Variants in NOLC1 observed in about 807,000 individuals in gnomAD.
NOLC1 encodes the protein nucleolar and coiled-body phosphoprotein 1.
NOLC1 carries 37 observed loss-of-function variants against 73.4 expected under a neutral mutation model. The ratio of observed to expected loss-of-function variants is 0.50; its 90% CI spans 0.39 to 0.66. The LOEUF is 0.66. NOLC1 is among the 30% of genes least tolerant of loss of function. NOLC1 has a pLI of 0.00. For synonymous variants in NOLC1, 327 were observed against 302.6 expected, an observed-to-expected ratio of 1.08 and a Z score of -0.84; for missense variants, 921 against 838.9, an observed-to-expected ratio of 1.10 and a Z score of -1.21.
At chr10:102,153,284 G>A (rs2069536658) in intron 1 of NOLC1, among the ~76,000 whole-genome samples, 1 of 152,198 alleles carries the variant, frequency 6.6e-6, no homozygotes, top group Non-Finnish European at 1.5e-5. Flanking sequence ...CTGGTACAGA[G>A]GAATCTTGTA....
In NOLC1 at chr10:102,163,000, G is replaced by A. The variant is rs926459280; in HGVS notation, c.*731G>A. 4 of 152,266 alleles carry A rather than the reference G, an allele frequency of 2.6e-5. No individual in the cohort carries two copies. The highest frequency in any genetic ancestry group is 3.9e-4 in the East Asian group (2 of 5,186). 9.4% of individuals were successfully genotyped at this position (152,266 alleles called of 1,614,324 possible). ...TATCATTACACGATGTTTGCAATAC[G>A]TGCTTTGTTTTTTAATTTGAAAGCA... On this transcript the variant is annotated 3_prime_UTR_variant, in exon 13 of 13. Coordinates refer to ENST00000605788, the MANE Select transcript of NOLC1 (RefSeq NM_004741.5).
At position 102,158,229 on chromosome 10, in the gene NOLC1, C is replaced by A. The variant is rs1298117642; in HGVS notation, c.607+15C>A. 4.3e-6 allele frequency: 7 copies of A among 1,611,854 alleles called. No homozygotes were observed. The highest frequency in any genetic ancestry group is 1.3e-5 in the African/African-American group (1 of 74,824). ...TCCCAAACCAGGTACTGTTTCTGTTCCCAAGAGGCTGGGCTGGGGACCAGA... is the reference window on the plus strand; with the variant it reads ...TCCCAAACCAGGTACTGTTTCTGTTACCAAGAGGCTGGGCTGGGGACCAGA... On this transcript the variant is annotated intron_variant, in intron 5 of 12. Coordinates refer to ENST00000605788, the MANE Select transcript of NOLC1 (RefSeq NM_004741.5).
rs1564970905 is a variant in NOLC1 at position 102,159,996 on chromosome 10, AAGCAGTGAAGAC to A, written c.969_980del (p.Glu323_Ser326del). ...CTGTGGAGAAGCAGCAGCCTGTGGA[AAGCAGTGAAGAC>A]AGCAGTGATGAGTCTGGTGAGTCAG... On this transcript the variant is annotated inframe_deletion, in exon 8 of 13. Coordinates refer to ENST00000605788, the MANE Select transcript of NOLC1 (RefSeq NM_004741.5). 1 of 1,612,882 alleles carries A rather than the reference AAGCAGTGAAGAC, an allele frequency of 6.2e-7. No individual in the cohort carries two copies. The highest frequency in any genetic ancestry group is 1.1e-5 in the South Asian group (1 of 90,770).
At position 102,159,990 on chromosome 10, in the gene NOLC1, T is replaced by C. The variant is rs1400446593; in HGVS notation, c.954T>C (p.Pro318=). ...PPKKAVEKQQ[P]VESSEDSSDE... is the part of the protein sequence containing the mutation. The stretch of plus-strand genomic sequence containing the variant: ...AGAAGGCTGTGGAGAAGCAGCAGCC[T>C]GTGGAAAGCAGTGAAGACAGCAGTG... The change falls in exon 8 of 13, where the codon CCT becomes CCC. Residue 318 remains proline, a synonymous_variant. Transcript: ENST00000605788. 6.2e-7 allele frequency: 1 copy of C among 1,612,452 alleles called. No individual in the cohort carries two copies. The highest frequency in any genetic ancestry group is 8.5e-7 in the Non-Finnish European group (1 of 1,179,308).
chr10:102,161,130 C>T (rs755090684), intron 10 of NOLC1, 37 bp downstream of exon 10: 17 of 1,553,872 alleles, frequency 1.1e-5, no homozygotes, highest in Non-Finnish European at 1.4e-5. Flanking sequence ...GGGTTTTGTC[C>T]CCCCAAATCA....
chr10:102,152,646 A>G (rs1305365686), intron 1 of NOLC1, 116 bp downstream of exon 1: 3 of 1,449,986 alleles, frequency 2.1e-6, no homozygotes, highest in Non-Finnish European at 2.8e-6. Context: ...AGTGTCTGCA[A>G]GGCCTTTACG....
At chr10:102,159,700 C>T (rs1294644717) in intron 7 of NOLC1, 132 bp downstream of exon 7, 2 of 1,132,814 alleles carry the variant, frequency 1.8e-6, no homozygotes, top group Non-Finnish European at 2.5e-6. Flanking sequence ...CACTAGTGAT[C>T]CAGGAAAGCA....
intron 1 of NOLC1, among the ~76,000 whole-genome samples, chr10:102,153,310 C>G (rs2069536950): frequency 6.6e-6 from 1 of 152,154 alleles, no homozygotes; most frequent in Non-Finnish European, 1.5e-5. Context: ...GAAAGCTGTA[C>G]CATAGTTATG....
rs1768413844 is a variant in NOLC1 at position 102,157,559 on chromosome 10, T to C, written c.441+4T>C. 6.2e-7 allele frequency: 1 copy of C among 1,613,228 alleles called. No homozygotes were observed. The highest frequency in any genetic ancestry group is 2.2e-5 in the East Asian group (1 of 44,856). ...CCAAAAGAAACAGCCTGTCCAGGTT[T>C]GCAGCTTTGGGAAGAAAAAGGGGTT... On this transcript the variant is annotated splice_donor_region_variant and intron_variant, in intron 4 of 12. Coordinates refer to ENST00000605788, the MANE Select transcript of NOLC1 (RefSeq NM_004741.5).
chr10:102,156,412 G>C (rs2069594813), intron 1 of NOLC1, among the ~76,000 whole-genome samples: 1 of 151,438 alleles, frequency 6.6e-6, no homozygotes, highest in Non-Finnish European at 1.5e-5. Context: ...ATAAGCCACT[G>C]TGCCCAGTCA....
At chr10:102,161,163 G>A in intron 10 of NOLC1, 70 bp downstream of exon 10, 2 of 1,474,830 alleles carry the variant, frequency 1.4e-6, no homozygotes, top group Non-Finnish European at 1.8e-6. Context: ...CTCTTTGAGA[G>A]TAGGGTAGTG....
rs1427131669 is a variant in NOLC1 at position 102,159,472 on chromosome 10, A to T, written c.763A>T (p.Lys255Ter). Reference sequence around the variant, plus strand: ...GCAAGTTGTGGCCAAGGCCCCAGTGAAAGCAGCTACCACCCCTACCCGGAA... The same window carrying T: ...GCAAGTTGTGGCCAAGGCCCCAGTGTAAGCAGCTACCACCCCTACCCGGAA... Reference protein sequence around the residue: ...KKQVVAKAPVKAATTPTRKSS... With the variant: ...KKQVVAKAPV Residue 255 changes from lysine (K) to a stop codon, truncating the protein, a stop_gained, in exon 7 of 13, where the codon AAA becomes TAA. Coordinates refer to ENST00000605788, the MANE Select transcript of NOLC1 (RefSeq NM_004741.5). LOFTEE classifies it high-confidence loss of function. 6.2e-7 allele frequency: 1 copy of T among 1,614,220 alleles called. No homozygotes were observed. Among genetic ancestry groups the T allele is most frequent in the East Asian group, 2.2e-5 (1 of 44,890 alleles).
chr10:102,155,022 ATTTTTTT>A (rs34034390), intron 1 of NOLC1, among the ~76,000 whole-genome samples: 2 of 131,250 alleles, frequency 1.5e-5, no homozygotes, highest in Non-Finnish European at 3.2e-5. Flanking sequence ...CACCTGGCTA[ATTTTTTT>A]TTTTTTTTTT....
Position 102,159,539 on chromosome 10 carries a change from A to G in NOLC1, c.830A>G (p.Glu277Gly). ...SEDSSSDEEE[E>G]QKKPMKNKPG... ...GATTCCTCCAGTGACGAGGAAGAGG[A>G]GCAAAAAAAACCCATGAAAAATAAA... is the stretch of plus-strand genomic sequence containing the variant. The change falls in exon 7 of 13, where the codon GAG (glutamate) becomes GGG (glycine). Residue 277 changes from glutamate to glycine, a missense_variant. Glu to Gly is a moderately conservative substitution (Grantham distance 98). Coordinates refer to ENST00000605788, the MANE Select transcript of NOLC1 (RefSeq NM_004741.5). 6.2e-7 allele frequency: 1 copy of G among 1,614,172 alleles called. No homozygotes were observed. The highest frequency in any genetic ancestry group is 8.5e-7 in the Non-Finnish European group (1 of 1,180,018).
intron 1 of NOLC1, among the ~76,000 whole-genome samples, chr10:102,155,362 A>G (rs2069578295): frequency 6.6e-6 from 1 of 151,492 alleles, no homozygotes; most frequent in Non-Finnish European, 1.5e-5. Flanking sequence ...CTGGGCGACC[A>G]AGAGCGAAAT....
Position 102,163,385 on chromosome 10 carries a change from T to G in NOLC1, c.*1116T>G, listed in dbSNP as rs2069744774. 6.6e-6 allele frequency: 1 copy of G among 152,128 alleles called. No homozygotes were observed. The highest frequency in any genetic ancestry group is 1.5e-5 in the Non-Finnish European group (1 of 68,010). 9.4% of individuals were successfully genotyped at this position (152,128 alleles called of 1,614,324 possible). A position where few individuals can be genotyped will look rare whatever the true frequency, so the allele number is the denominator to read the frequency against. ...GAGCATATTACCTGATAAACTGGAGTGGGTTTGGGAGAACAAACTAATAGG... is the reference window on the plus strand; with the variant it reads ...GAGCATATTACCTGATAAACTGGAGGGGGTTTGGGAGAACAAACTAATAGG... On this transcript the variant is annotated 3_prime_UTR_variant, in exon 13 of 13. Transcript: ENST00000605788.
chr10:102,163,220 G>C lies in NOLC1; in HGVS notation c.*951G>C, dbSNP rs553216782. The stretch of plus-strand genomic sequence containing the variant: ...GAATTGGTTTCATTAATTCCTACAT[G>C]GTTGAGAATCACTGATCAAGAAAGT... On this transcript the variant is annotated 3_prime_UTR_variant, in exon 13 of 13. Coordinates refer to ENST00000605788, the MANE Select transcript of NOLC1 (RefSeq NM_004741.5). 2.0e-5 allele frequency: 3 copies of C among 152,186 alleles called. No individual in the cohort carries two copies. Among genetic ancestry groups the C allele is most frequent in the Middle Eastern group, 3.4e-3 (1 of 294 alleles). The allele number at this position is 152,186 out of a possible 1,614,324, so 9.4% of individuals were successfully genotyped here. A position where few individuals can be genotyped will look rare whatever the true frequency, so the allele number is the denominator to read the frequency against.
Position 102,158,168 on chromosome 10 carries a change from A to G in NOLC1, c.561A>G (p.Ile187Met), listed in dbSNP as rs767735861. Residue 187 changes from isoleucine (I) to methionine (M), a missense_variant, in exon 5 of 13, where the codon ATA (isoleucine) becomes ATG (methionine). Transcript: ENST00000605788. ...CACCAAAGAACCAGAAGCCAAAGAT[A>G]ACACCTGTGACAGTTAAAGCTCAGA... is the stretch of plus-strand genomic sequence containing the variant. ...DEPPKNQKPK[I>M]TPVTVKAQTK... The G allele has an allele frequency of 8.1e-6, 13 of 1,614,002 alleles. No individual in the cohort carries two copies. The East Asian group carries it at 2.9e-4, about 36-fold the overall frequency.
At chr10:102,154,612 T>C (rs1364349797) in intron 1 of NOLC1, among the ~76,000 whole-genome samples, 2 of 151,846 alleles carry the variant, frequency 1.3e-5, no homozygotes, top group Non-Finnish European at 2.9e-5. Flanking sequence ...GCCTCCCAGG[T>C]TGAAGCGATT....
Sources: allele counts gnomAD v4.1 joint callset (sites outside exome capture counted in the v4.1 genomes callset), GRCh38; gene constraint gnomAD v4.1.1; transcripts MANE v1.5; gene names NCBI Gene and HGNC (gene_info 2026-07-23, HGNC 2026-07-21).